The following RIN2 variants were observed in gnomAD, a reference collection of about 807,000 sequenced individuals.
RIN2 encodes Ras and Rab interactor 2.
Under a neutral mutation model 78.0 loss-of-function variants are expected in RIN2, and 36 were observed. The observed-to-expected ratio is 0.46, with a 90% CI of 0.35 to 0.61. The LOEUF is 0.61. Among genes scored for constraint, RIN2 ranks in the 20% least tolerant of loss-of-function variants. The probability of loss-of-function intolerance (pLI) is 0.00; values close to 1 mark genes in which losing one functional copy is unlikely to be tolerated. For missense variants in RIN2, 1,087 were observed against 1,159.7 expected (o/e 0.94, Z 0.91); for synonymous variants, 466 against 466.8 (o/e 1.00, Z 0.02).
At chr20:19,846,944 C>T (rs909379730) in intron 2 of RIN2, among the ~76,000 whole-genome samples, 1 of 152,202 alleles carries the variant, frequency 6.6e-6, no homozygotes, top group Admixed American at 6.5e-5. Flanking sequence ...AATACAGGAC[C>T]TGTGCTCACA....
chr20:19,831,997 T>TA (rs1233065695), intron 2 of RIN2, among the ~76,000 whole-genome samples: 1 of 152,110 alleles, frequency 6.6e-6, no homozygotes, highest in Non-Finnish European at 1.5e-5. Context: ...TAGCAGATCT[T>TA]ACACAGTGTT....
chr20:19,970,297 A>C (rs1293173824), intron 7 of RIN2, among the ~76,000 whole-genome samples: 2 of 152,246 alleles, frequency 1.3e-5, no homozygotes, highest in African/African-American at 4.8e-5. Context: ...TCTGCCTTCA[A>C]ACACAGGAGA....
intron 11 of RIN2, among the ~76,000 whole-genome samples, chr20:19,995,809 C>T (rs564028532): frequency 2.3e-4 from 35 of 152,090 alleles, no homozygotes; most frequent in South Asian, 1.9e-3. Flanking sequence ...TGCGTTTTTT[C>T]CTTTTTACTT....
At chr20:19,979,888 CA>C (rs1369355325) in intron 9 of RIN2, among the ~76,000 whole-genome samples, 3 of 151,372 alleles carry the variant, frequency 2.0e-5, no homozygotes, top group Non-Finnish European at 4.4e-5. Context: ...ACTAAAAATA[CA>C]AAAAAATTAG....
intron 4 of RIN2, among the ~76,000 whole-genome samples, chr20:19,940,216 G>A: frequency 6.6e-6 from 1 of 152,120 alleles, no homozygotes; most frequent in South Asian, 2.1e-4. Context: ...GACTGGGTCT[G>A]TCCTTCACCC....
intron 2 of RIN2, among the ~76,000 whole-genome samples, chr20:19,854,462 T>A (rs2037098614): frequency 6.6e-6 from 1 of 152,200 alleles, no homozygotes; most frequent in Non-Finnish European, 1.5e-5. Flanking sequence ...TCTATAAATT[T>A]CCTTGGGCAG....
At chr20:19,821,912 T>C (rs1438140209) in intron 2 of RIN2, among the ~76,000 whole-genome samples, 1 of 152,208 alleles carries the variant, frequency 6.6e-6, no homozygotes, top group Non-Finnish European at 1.5e-5. Context: ...TTATAGATGT[T>C]CAGTCATGTT....
intron 3 of RIN2, among the ~76,000 whole-genome samples, chr20:19,917,110 TA>T (rs11481859): frequency 5.7e-4 from 84 of 147,798 alleles, no homozygotes; most frequent in Non-Finnish European, 9.1e-4. Flanking sequence ...TTAAAAAATT[TA>T]AAAAAAAAAA....
intron 1 of RIN2, among the ~76,000 whole-genome samples, chr20:19,788,450 C>CAAAAAAAAAACAAAAAAAA (rs908072671): frequency 2.9e-5 from 3 of 103,516 alleles, no homozygotes; most frequent in African/African-American, 5.9e-5. Flanking sequence ...AAAAAAAAAA[C>CAAAAAAAAAACAAAAAAAA]AACTAGCTAG....
chr20:19,761,442 T>C (rs1049047786), intron 1 of RIN2, among the ~76,000 whole-genome samples: 7 of 152,230 alleles, frequency 4.6e-5, no homozygotes, highest in African/African-American at 1.7e-4. Flanking sequence ...TTTATTGTTA[T>C]ACCATACATT....
At chr20:19,943,335 G>A (rs1368212001) in intron 4 of RIN2, among the ~76,000 whole-genome samples, 1 of 152,168 alleles carries the variant, frequency 6.6e-6, no homozygotes, top group Non-Finnish European at 1.5e-5. Context: ...TCTCCCTGGA[G>A]GCAGACATGA....
intron 2 of RIN2, among the ~76,000 whole-genome samples, chr20:19,835,820 A>G (rs1306710078): frequency 2.6e-5 from 4 of 152,274 alleles, no homozygotes; most frequent in Admixed American, 1.3e-4. Context: ...TCTCCTCTCC[A>G]TGAACTTGTT....
chr20:19,766,866 C>A (rs901251652), intron 1 of RIN2, among the ~76,000 whole-genome samples: 1 of 150,240 alleles, frequency 6.7e-6, no homozygotes, highest in Non-Finnish European at 1.5e-5. Context: ...GAGCTGAGAT[C>A]GCGCCACTGC....
At chr20:19,877,502 C>T (rs2037893572) in intron 2 of RIN2, among the ~76,000 whole-genome samples, 1 of 152,086 alleles carries the variant, frequency 6.6e-6, no homozygotes, top group South Asian at 2.1e-4. Flanking sequence ...CGTGAAAGAG[C>T]CATAAGGCAG....
At chr20:19,795,067 C>T (rs994160812) in intron 1 of RIN2, among the ~76,000 whole-genome samples, 1 of 152,200 alleles carries the variant, frequency 6.6e-6, no homozygotes, top group African/African-American at 2.4e-5. Flanking sequence ...ATTTAAAACA[C>T]AGGCACTTTG....
intron 3 of RIN2, among the ~76,000 whole-genome samples, chr20:19,904,741 AG>A (rs2039144225): frequency 2.6e-5 from 4 of 152,194 alleles, no homozygotes; most frequent in Non-Finnish European, 4.4e-5. Context: ...GATGGGTATG[AG>A]GAGGGGAGTG....
At chr20:19,991,629 T>G (rs953942679) in intron 10 of RIN2, among the ~76,000 whole-genome samples, 2 of 152,228 alleles carry the variant, frequency 1.3e-5, no homozygotes, top group African/African-American at 4.8e-5. Flanking sequence ...TTTTTTGCCA[T>G]ATATTTCCAT....
intron 3 of RIN2, among the ~76,000 whole-genome samples, chr20:19,922,503 A>G (rs2039964716): frequency 6.6e-6 from 1 of 152,176 alleles, no homozygotes; most frequent in Non-Finnish European, 1.5e-5. Flanking sequence ...AAAAGGTCCA[A>G]GATCTGAAAA....
chr20:19,760,459 G>A (rs188959184), intron 1 of RIN2, among the ~76,000 whole-genome samples: 5 of 152,246 alleles, frequency 3.3e-5, no homozygotes, highest in South Asian at 4.1e-4. Context: ...TGGCTATGGC[G>A]TGTGCTTATT....
Sources: gnomAD v4.1 joint callset for allele counts (sites outside exome capture counted in the v4.1 genomes callset) on GRCh38, gnomAD v4.1.1 for gene constraint, MANE v1.5 for transcripts, NCBI Gene and HGNC (gene_info 2026-07-23, HGNC 2026-07-21) for gene names.